The following JMJD1C variants were observed in gnomAD, a reference collection of about 807,000 sequenced individuals.
JMJD1C encodes the protein jumonji domain-containing protein 1C.
JMJD1C carries 31 observed loss-of-function variants against 245.3 expected under a neutral mutation model. That is an observed-to-expected ratio of 0.13 (90% CI 0.09 to 0.17). The LOEUF (loss-of-function observed/expected upper bound fraction) is 0.17, where lower values mean the gene tolerates loss of function less well. JMJD1C is among the 10% of genes least tolerant of loss of function. The pLI, the probability that JMJD1C is intolerant of heterozygous loss-of-function variation, is 1.00. For synonymous variants in JMJD1C, 1,057 were observed against 1,017.4 expected (o/e 1.04, Z -0.74); for missense variants, 2,691 against 3,000.2 (o/e 0.90, Z 2.41).
chr10:63,292,907 G>C (rs1459913222), intron 2 of JMJD1C, among the ~76,000 whole-genome samples: 1 of 152,082 alleles, frequency 6.6e-6, no homozygotes, highest in Non-Finnish European at 1.5e-5. Context: ...AGCTGGGCGT[G>C]GTGGTGCTTG....
chr10:63,280,740 T>TA (rs1857286262), intron 2 of JMJD1C, among the ~76,000 whole-genome samples: 1 of 152,198 alleles, frequency 6.6e-6, no homozygotes, highest in African/African-American at 2.4e-5. Flanking sequence ...AAACTCTTCA[T>TA]AAACACTGCT....
intron 1 of JMJD1C, among the ~76,000 whole-genome samples, chr10:63,453,267 C>G (rs1321402357): frequency 6.6e-6 from 1 of 152,034 alleles, no homozygotes; most frequent in Non-Finnish European, 1.5e-5. Flanking sequence ...AGAGCAAGAC[C>G]CTGTCTCAAA....
At position 63,432,157 on chromosome 10, in the gene JMJD1C, C is replaced by T. The variant is rs116820638; in HGVS notation, c.168+33338G>A. 2.7e-3 allele frequency among the ~76,000 whole-genome samples: 405 copies of T among 152,326 alleles called. 3 individuals carry two copies. The highest frequency in any genetic ancestry group is 9.1e-3 in the African/African-American group (377 of 41,564). On this transcript the variant is annotated intron_variant, in intron 1 of 25. Transcript: ENST00000399262. ...ATGAACTTCTGGCAAACTCTCCTCA[C>T]TACCATACTAAAATCCCCACCCAGG...
At chr10:63,258,149 C>T (rs1469563837) in intron 3 of JMJD1C, among the ~76,000 whole-genome samples, 1 of 152,188 alleles carries the variant, frequency 6.6e-6, no homozygotes, top group Admixed American at 6.5e-5. Flanking sequence ...TTTACTGTAT[C>T]ATTTCATTTA....
intron 2 of JMJD1C, among the ~76,000 whole-genome samples, chr10:63,321,993 G>C (rs1419098301): frequency 6.6e-6 from 1 of 152,156 alleles, no homozygotes; most frequent in Non-Finnish European, 1.5e-5. Flanking sequence ...GAAGCCAAAA[G>C]TCACACTTCT....
At chr10:63,413,663 A>AT (rs1272753239) in intron 1 of JMJD1C, among the ~76,000 whole-genome samples, 4 of 152,200 alleles carry the variant, frequency 2.6e-5, no homozygotes, top group Non-Finnish European at 5.9e-5. Flanking sequence ...ATGAAAAAGT[A>AT]TTTTTTTCCT....
intron 1 of JMJD1C, among the ~76,000 whole-genome samples, chr10:63,426,378 G>T (rs770864831): frequency 6.6e-6 from 1 of 151,786 alleles, no homozygotes; most frequent in Admixed American, 6.6e-5. Context: ...ATTCTTAAAC[G>T]TAAGAGACTG....
chr10:63,226,983 C>T (rs1413069859), intron 3 of JMJD1C, among the ~76,000 whole-genome samples: 2 of 151,882 alleles, frequency 1.3e-5, no homozygotes, highest in Non-Finnish European at 2.9e-5. Flanking sequence ...CAGGAGAATC[C>T]CTTGAACCTG....
intron 1 of JMJD1C, among the ~76,000 whole-genome samples, chr10:63,447,013 G>T (rs1011315839): frequency 1.9e-4 from 28 of 151,092 alleles, no homozygotes; most frequent in African/African-American, 6.6e-4. Flanking sequence ...TATGTTTCAG[G>T]TTATTTGTGA....
At chr10:63,263,959 T>TACACATACAC (rs1855154127) in intron 3 of JMJD1C, among the ~76,000 whole-genome samples, 1 of 83,006 alleles carries the variant, frequency 1.2e-5, no homozygotes. Flanking sequence ...AAAATACACA[T>TACACATACAC]ACACACACAC....
chr10:63,445,806 T>C (rs931880919), intron 1 of JMJD1C, among the ~76,000 whole-genome samples: 3 of 150,744 alleles, frequency 2.0e-5, no homozygotes, highest in Admixed American at 6.6e-5. Flanking sequence ...CAAAAGATAA[T>C]GTAGGTTTGA....
chr10:63,408,315 A>C (rs954464532), intron 1 of JMJD1C, among the ~76,000 whole-genome samples: 1 of 152,006 alleles, frequency 6.6e-6, no homozygotes, highest in Non-Finnish European at 1.5e-5. Context: ...AGGCAGGAGA[A>C]TCACTTGAAC....
At chr10:63,245,254 T>C (rs1447613710) in intron 3 of JMJD1C, among the ~76,000 whole-genome samples, 2 of 152,006 alleles carry the variant, frequency 1.3e-5, no homozygotes, top group Admixed American at 6.6e-5. Context: ...GAAACATATT[T>C]TCTGAGCCAA....
chr10:63,451,035 G>T (rs747776722), intron 1 of JMJD1C, among the ~76,000 whole-genome samples: 4 of 150,962 alleles, frequency 2.6e-5, no homozygotes, highest in Non-Finnish European at 4.4e-5. Context: ...AATCTGAAAA[G>T]GAAATTATTA....
chr10:63,368,071 A>G (rs1946002931), intron 2 of JMJD1C, among the ~76,000 whole-genome samples: 1 of 152,222 alleles, frequency 6.6e-6, no homozygotes, highest in South Asian at 2.1e-4. Flanking sequence ...AATAGTACAG[A>G]ATAGAAGCTG....
At chr10:63,457,608 A>G (rs1434806894) in intron 1 of JMJD1C, among the ~76,000 whole-genome samples, 2 of 152,238 alleles carry the variant, frequency 1.3e-5, no homozygotes, top group Non-Finnish European at 2.9e-5. Flanking sequence ...GGAAGGAAGG[A>G]GAAATAAAAG....
chr10:63,359,069 C>T (rs1945107047), intron 2 of JMJD1C: 1 of 153,256 alleles, frequency 6.5e-6, no homozygotes, highest in African/African-American at 2.4e-5. Flanking sequence ...GAAAGGAACA[C>T]CTGTTATACT....
intron 3 of JMJD1C, among the ~76,000 whole-genome samples, chr10:63,225,441 A>T (rs904929970): frequency 9.2e-5 from 14 of 152,072 alleles, no homozygotes; most frequent in African/African-American, 3.1e-4. Context: ...ATAGACATGA[A>T]CTCTAATTGA....
At chr10:63,456,068 C>T (rs757829072) in intron 1 of JMJD1C, among the ~76,000 whole-genome samples, 10 of 151,920 alleles carry the variant, frequency 6.6e-5, no homozygotes, top group Admixed American at 6.6e-5. Flanking sequence ...AAAACCGTTA[C>T]GGAAAGGTGA....
Sources: allele counts gnomAD v4.1 joint callset (sites outside exome capture counted in the v4.1 genomes callset), GRCh38; gene constraint gnomAD v4.1.1; transcripts MANE v1.5; gene names NCBI Gene and HGNC (gene_info 2026-07-23, HGNC 2026-07-21).